NAALADL2: variants seen among roughly 807,000 people sequenced by gnomAD.
The protein encoded by NAALADL2 is inactive N-acetylated-alpha-linked acidic dipeptidase-like protein 2.
A neutral mutation model predicts 87.2 loss-of-function variants in NAALADL2; 76 were observed. That is an observed-to-expected ratio of 0.87 (90% CI 0.72 to 1.05). The LOEUF (loss-of-function observed/expected upper bound fraction) is 1.05. NAALADL2 is among the 50% of genes least tolerant of loss of function. The pLI is 0.00. For missense variants in NAALADL2, 1,089 were observed against 945.8 expected (o/e 1.15, Z -1.99); for synonymous variants, 354 against 331.0 (o/e 1.07, Z -0.75).
intron 2 of NAALADL2, among the ~76,000 whole-genome samples, chr3:174,559,665 G>C (rs1270873296): frequency 6.6e-6 from 1 of 152,090 alleles, no homozygotes; most frequent in Admixed American, 6.5e-5. Context: ...TTCTGGTGAG[G>C]GCCCTCTTCT....
chr3:175,117,850 G>T (rs181057297), intron 2 of NAALADL2, among the ~76,000 whole-genome samples: 1 of 152,182 alleles, frequency 6.6e-6, no homozygotes. Flanking sequence ...CAATAGCAAA[G>T]ACTTGGAACC....
At chr3:174,751,650 G>A (rs1157154626) in intron 3 of NAALADL2, among the ~76,000 whole-genome samples, 7 of 122,346 alleles carry the variant, frequency 5.7e-5, no homozygotes, top group East Asian at 2.3e-4. Context: ...CTGACAGAGC[G>A]AGACTTTGTC....
intron 2 of NAALADL2, among the ~76,000 whole-genome samples, chr3:174,727,738 T>C (rs1353177649): frequency 1.3e-5 from 2 of 152,084 alleles, no homozygotes; most frequent in Non-Finnish European, 2.9e-5. Flanking sequence ...TCAACCAAAG[T>C]CCATAGCCTG....
intron 2 of NAALADL2, among the ~76,000 whole-genome samples, chr3:174,666,273 A>G (rs1354816102): frequency 6.6e-6 from 1 of 152,214 alleles, no homozygotes; most frequent in Non-Finnish European, 1.5e-5. Context: ...CAGTAATCAT[A>G]AATGTACTAC....
intron 11 of NAALADL2, among the ~76,000 whole-genome samples, chr3:175,686,621 T>A (rs1736336484): frequency 6.6e-6 from 1 of 152,186 alleles, no homozygotes; most frequent in African/African-American, 2.4e-5. Context: ...CTTTAGATTA[T>A]TTTCTTCATG....
intron 10 of NAALADL2, among the ~76,000 whole-genome samples, chr3:175,613,993 T>C (rs958275063): frequency 2.6e-5 from 4 of 152,182 alleles, no homozygotes; most frequent in Non-Finnish European, 5.9e-5. Flanking sequence ...TCAGTGATTC[T>C]CAAGAGATAT....
intron 4 of NAALADL2, among the ~76,000 whole-genome samples, chr3:175,295,736 CA>C (rs1224549050): frequency 4.0e-5 from 6 of 151,552 alleles, no homozygotes; most frequent in African/African-American, 1.5e-4. Context: ...CACACACACA[CA>C]CACACACACT....
intron 6 of NAALADL2, among the ~76,000 whole-genome samples, chr3:175,458,923 T>C (rs1722713169): frequency 6.6e-6 from 1 of 152,138 alleles, no homozygotes; most frequent in South Asian, 2.1e-4. Context: ...TCACTTTGCT[T>C]CAATGGCTTA....
rs1438870468 is a variant in NAALADL2, at chr3:175,809,445, G to T, written c.*6242G>T. On this transcript the variant is annotated 3_prime_UTR_variant, in exon 14 of 14. Coordinates refer to ENST00000454872, the MANE Select transcript of NAALADL2 (RefSeq NM_207015.3). ...AAACCCTTTCTAGAACACTGTGCAG[G>T]ACTAATTTTTTTTTAATAGACATCC... 9 of 126,480 alleles carry T rather than the reference G, an allele frequency of 7.1e-5. No individual in the cohort carries two copies. The highest frequency in any genetic ancestry group is 2.7e-4 in the African/African-American group (8 of 29,392). 7.8% of individuals were successfully genotyped at this position (126,480 alleles called of 1,614,324 possible).
At chr3:175,399,916 T>C (rs368815042) in intron 5 of NAALADL2, among the ~76,000 whole-genome samples, 1 of 152,272 alleles carries the variant, frequency 6.6e-6, no homozygotes, top group South Asian at 2.1e-4. Flanking sequence ...CAACTCTTTA[T>C]GGTAATGCTA....
In NAALADL2 at chr3:174,724,760, A is replaced by C. The variant is rs1732028568; in HGVS notation, c.-114-12881A>C. On this transcript the variant is annotated intron_variant, in intron 2 of 3. Coordinates refer to the NAALADL2 transcript ENST00000434257. ...CCACAGCATCTATATGATACTTCTGATGGAATAGTAGATCTATTTTGCACT... is the reference window on the plus strand; with the variant it reads ...CCACAGCATCTATATGATACTTCTGCTGGAATAGTAGATCTATTTTGCACT... Among the ~76,000 whole-genome samples, 4 of 152,206 alleles carry C rather than the reference A, an allele frequency of 2.6e-5. No homozygotes were observed. The South Asian group carries it at 8.3e-4, about 31-fold the overall frequency.
At chr3:175,246,607 C>A (rs537659218) in intron 3 of NAALADL2, among the ~76,000 whole-genome samples, 3 of 152,074 alleles carry the variant, frequency 2.0e-5, no homozygotes, top group African/African-American at 7.2e-5. Flanking sequence ...TGGACTGTAC[C>A]GGGGTAATTT....
At chr3:174,545,791 C>T (rs1228129093) in intron 1 of NAALADL2, among the ~76,000 whole-genome samples, 1 of 151,474 alleles carries the variant, frequency 6.6e-6, no homozygotes, top group Non-Finnish European at 1.5e-5. Flanking sequence ...CTTGTGATTT[C>T]CCATTTCCTT....
At chr3:175,778,194 T>C (rs1750525597) in intron 13 of NAALADL2, among the ~76,000 whole-genome samples, 1 of 152,180 alleles carries the variant, frequency 6.6e-6, no homozygotes, top group East Asian at 1.9e-4. Flanking sequence ...AGGGAGTTGT[T>C]CCCTGTGAAG....
chr3:175,667,227 GAAAGAAAGAAAGAAA>G (rs767642342), intron 11 of NAALADL2, among the ~76,000 whole-genome samples: 1 of 126,842 alleles, frequency 7.9e-6, no homozygotes, highest in African/African-American at 3.9e-5. Context: ...AAGAAAGAAA[GAAAGAAAGAAAGAAA>G]AAGAAAGAAA....
chr3:175,489,081 G>A (rs150996654), intron 9 of NAALADL2, among the ~76,000 whole-genome samples: 12 of 152,242 alleles, frequency 7.9e-5, no homozygotes, highest in Non-Finnish European at 1.6e-4. Context: ...TTATCAAAGT[G>A]ATTGCTTTTG....
chr3:175,781,860 C>T (rs368677275), intron 13 of NAALADL2, among the ~76,000 whole-genome samples: 1 of 150,390 alleles, frequency 6.6e-6, no homozygotes, highest in African/African-American at 2.5e-5. Context: ...ATCCCTCCCC[C>T]CCACCCCACC....
At chr3:175,113,011 T>C (rs184135721) in intron 2 of NAALADL2, among the ~76,000 whole-genome samples, 4 of 151,704 alleles carry the variant, frequency 2.6e-5, no homozygotes, top group Non-Finnish European at 5.9e-5. Flanking sequence ...ATTAGGGTTG[T>C]TGTGAGTGTG....
rs1286494231 is a variant in NAALADL2 at position 175,433,288 on chromosome 3, A to G, written c.1091-13941A>G. Among the ~76,000 whole-genome samples the G allele has an allele frequency of 2.0e-5, 3 of 152,052 alleles. No individual in the cohort carries two copies. In the East Asian group the frequency reaches 5.8e-4, roughly 29 times the overall value. On this transcript the variant is annotated intron_variant, in intron 5 of 13. Transcript: ENST00000454872. ...GTGTTGACTAAGAATGACACAAAAC[A>G]TTCTTTAAATGTAGCACTGGCGTAA... is the stretch of plus-strand genomic sequence containing the variant.
Sources: allele counts gnomAD v4.1 joint callset (sites outside exome capture counted in the v4.1 genomes callset), GRCh38; gene constraint gnomAD v4.1.1; transcripts MANE v1.5; gene names NCBI Gene and HGNC (gene_info 2026-07-23, HGNC 2026-07-21).